DPYD: variants seen among roughly 807,000 people sequenced by gnomAD.
The protein encoded by DPYD is dihydropyrimidine dehydrogenase.
DPYD carries 109 observed loss-of-function variants against 116.2 expected under a neutral mutation model. The observed-to-expected ratio is 0.94, with a 90% CI of 0.80 to 1.10. The LOEUF (loss-of-function observed/expected upper bound fraction) is 1.10, where lower values mean the gene tolerates loss of function less well. Among genes scored for constraint, DPYD ranks in the 50% least tolerant of loss-of-function variants. The probability of loss-of-function intolerance (pLI) is 0.00; values close to 1 mark genes in which losing one functional copy is unlikely to be tolerated. For synonymous variants in DPYD, 440 were observed against 432.0 expected (o/e 1.02, Z -0.23); for missense variants, 1,302 against 1,254.5 (o/e 1.04, Z -0.57).
At chr1:97,314,490 CTTTTT>C (rs66629750) in intron 16 of DPYD, among the ~76,000 whole-genome samples, 5 of 123,414 alleles carry the variant, frequency 4.1e-5, no homozygotes, top group African/African-American at 9.1e-5. Flanking sequence ...CTAAAGCTTT[CTTTTT>C]TTTTTTTTTT....
At chr1:97,857,649 T>C (rs1459209162) in intron 2 of DPYD, among the ~76,000 whole-genome samples, 2 of 152,160 alleles carry the variant, frequency 1.3e-5, no homozygotes, top group African/African-American at 4.8e-5. Context: ...ACCCTATGCA[T>C]CTCTTCATCT....
intron 20 of DPYD, among the ~76,000 whole-genome samples, chr1:97,154,510 A>T (rs1177835900): frequency 6.6e-6 from 1 of 151,856 alleles, no homozygotes; most frequent in Non-Finnish European, 1.5e-5. Context: ...TAATCCCAGC[A>T]CTTTGGGAGG....
intron 16 of DPYD, among the ~76,000 whole-genome samples, chr1:97,352,604 T>C (rs1258145539): frequency 6.6e-6 from 1 of 151,868 alleles, no homozygotes; most frequent in African/African-American, 2.4e-5. Context: ...TGTGAACTGA[T>C]CTACAGGGAA....
chr1:97,082,804 A>G (rs1292490546), intron 21 of DPYD, among the ~76,000 whole-genome samples: 1 of 152,112 alleles, frequency 6.6e-6, no homozygotes, highest in Non-Finnish European at 1.5e-5. Flanking sequence ...ACTTTTTCTC[A>G]TTTTTGGACC....
intron 3 of DPYD, among the ~76,000 whole-genome samples, chr1:97,814,067 C>A (rs1266337330): frequency 6.6e-6 from 1 of 152,068 alleles, no homozygotes; most frequent in African/African-American, 2.4e-5. Flanking sequence ...CTCTTTCATT[C>A]AATTTTTATT....
At chr1:97,887,375 C>A (rs1247943525) in intron 1 of DPYD, among the ~76,000 whole-genome samples, 1 of 145,338 alleles carries the variant, frequency 6.9e-6, no homozygotes, top group African/African-American at 2.6e-5. Context: ...AAGGCTGAAG[C>A]AGGAGGATCG....
rs186212672 is a variant in DPYD at position 97,269,646 on chromosome 1, C to A, written c.2300-34652G>T. Among the ~76,000 whole-genome samples, 703 of 152,226 alleles carry A rather than the reference C, an allele frequency of 4.6e-3. 6 individuals carry two copies. Among genetic ancestry groups the A allele is most frequent in the Non-Finnish European group, 5.9e-3 (399 of 68,022 alleles). ...TTCAGTTCCTGGTGAGGGCTCTCTT[C>A]CTAGCTTGGAGATGGCTGCTTTCTC... On this transcript the variant is annotated intron_variant, in intron 18 of 22. Transcript: ENST00000370192.
At chr1:97,652,245 C>G (rs954794005) in intron 8 of DPYD, among the ~76,000 whole-genome samples, 1 of 152,094 alleles carries the variant, frequency 6.6e-6, no homozygotes, top group Non-Finnish European at 1.5e-5. Context: ...TTCATTTTCT[C>G]TTAAAAAATT....
intron 19 of DPYD, among the ~76,000 whole-genome samples, chr1:97,229,198 C>G (rs936663562): frequency 2.7e-5 from 3 of 111,156 alleles, no homozygotes; most frequent in African/African-American, 1.0e-4. Context: ...TGCGAGACTC[C>G]TTCTCAAAAA....
intron 5 of DPYD, among the ~76,000 whole-genome samples, chr1:97,711,753 TTTA>T (rs200650303): frequency 0.011 from 1,719 of 152,066 alleles, 12 homozygotes; most frequent in Non-Finnish European, 0.015. Context: ...TTAAGAGTTT[TTTA>T]TTATTATTTT....
intron 20 of DPYD, among the ~76,000 whole-genome samples, chr1:97,145,779 T>G (rs1654578857): frequency 6.6e-6 from 1 of 151,812 alleles, no homozygotes; most frequent in South Asian, 2.1e-4. Context: ...TTGACTTTTT[T>G]TTTTTTCCTA....
chr1:97,717,452 T>G (rs552329167), intron 5 of DPYD, among the ~76,000 whole-genome samples: 1 of 152,208 alleles, frequency 6.6e-6, no homozygotes, highest in Non-Finnish European at 1.5e-5. Flanking sequence ...CATTTTTAAA[T>G]ATTTCAATAG....
At chr1:97,607,089 G>A (rs1655644790) in intron 8 of DPYD, among the ~76,000 whole-genome samples, 2 of 151,920 alleles carry the variant, frequency 1.3e-5, no homozygotes, top group South Asian at 4.1e-4. Flanking sequence ...AGATTCCCTA[G>A]AGGTATGTTT....
intron 18 of DPYD, among the ~76,000 whole-genome samples, chr1:97,252,638 A>T (rs1663182609): frequency 6.6e-6 from 1 of 152,052 alleles, no homozygotes; most frequent in Non-Finnish European, 1.5e-5. Context: ...TTTTTCAGTA[A>T]CCTTTGCCAA....
intron 20 of DPYD, among the ~76,000 whole-genome samples, chr1:97,158,765 A>T (rs887479581): frequency 6.6e-6 from 1 of 152,112 alleles, no homozygotes; most frequent in African/African-American, 2.4e-5. Context: ...ACAGAGAGGG[A>T]GCACCAGATT....
chr1:97,905,240 G>T (rs537890097), intron 1 of DPYD, among the ~76,000 whole-genome samples: 1 of 151,966 alleles, frequency 6.6e-6, no homozygotes, highest in Non-Finnish European at 1.5e-5. Flanking sequence ...AAATTATACA[G>T]GACTAAAGAT....
chr1:97,389,309 T>C (rs1429426968), intron 14 of DPYD, among the ~76,000 whole-genome samples: 1 of 58,912 alleles, frequency 1.7e-5, no homozygotes, highest in Non-Finnish European at 3.5e-5. Flanking sequence ...ATTTTGTCTT[T>C]GAAAAAAAAA....
chr1:97,127,731 T>C (rs868062904), intron 20 of DPYD, among the ~76,000 whole-genome samples: 16 of 152,292 alleles, frequency 1.1e-4, no homozygotes, highest in African/African-American at 3.6e-4. Context: ...ATTTTTTTAG[T>C]TATTTTGAGA....
At chr1:97,736,508 C>T (rs1178319935) in intron 4 of DPYD, among the ~76,000 whole-genome samples, 1 of 151,846 alleles carries the variant, frequency 6.6e-6, no homozygotes, top group Non-Finnish European at 1.5e-5. Flanking sequence ...ATGAATAAAG[C>T]TAATCCAATA....
Sources: gnomAD v4.1 joint callset for allele counts (sites outside exome capture counted in the v4.1 genomes callset) on GRCh38, gnomAD v4.1.1 for gene constraint, MANE v1.5 for transcripts, NCBI Gene and HGNC (gene_info 2026-07-23, HGNC 2026-07-21) for gene names.